PCDHA2: variants seen among roughly 807,000 people sequenced by gnomAD.
PCDHA2 encodes the protein protocadherin alpha-2.
Under a neutral mutation model 66.0 loss-of-function variants are expected in PCDHA2, and 58 were observed. The ratio of observed to expected loss-of-function variants is 0.88; its 90% CI spans 0.71 to 1.09. The LOEUF is 1.09. PCDHA2 is among the 50% of genes least tolerant of loss of function. The probability of loss-of-function intolerance (pLI) is 0.00; values close to 1 mark genes in which losing one functional copy is unlikely to be tolerated. For synonymous variants in PCDHA2, 634 were observed against 554.0 expected (o/e 1.14, Z -2.03); for missense variants, 1,267 against 1,242.3 (o/e 1.02, Z -0.30).
chr5:140,966,740 C>CGGCT (rs2096047340), intron 1 of PCDHA2: 1 of 1,422,580 alleles, frequency 7.0e-7, no homozygotes, highest in African/African-American at 1.5e-5. Flanking sequence ...CGGCCCTGCC[C>CGGCT]GGCTGCCTCC....
At chr5:140,823,777 C>G in intron 1 of PCDHA2, 1 of 1,613,860 alleles carries the variant, frequency 6.2e-7, no homozygotes, top group African/African-American at 1.3e-5. Context: ...GCTGGTGTCG[C>G]TGGTGGAAAG....
chr5:140,819,401 A>G (rs2150104074), intron 1 of PCDHA2, among the ~76,000 whole-genome samples: 3 of 152,296 alleles, frequency 2.0e-5, no homozygotes, highest in South Asian at 4.1e-4. Context: ...AGTGAATTAA[A>G]TGGAGACACT....
intron 1 of PCDHA2, among the ~76,000 whole-genome samples, chr5:140,923,395 G>A (rs782033907): frequency 6.6e-6 from 1 of 152,240 alleles, no homozygotes; most frequent in South Asian, 2.1e-4. Flanking sequence ...GGGCATGGTG[G>A]TGTGTGCCTA....
chr5:140,807,357 C>T (rs949440782), intron 1 of PCDHA2: 3 of 1,610,572 alleles, frequency 1.9e-6, no homozygotes, highest in Non-Finnish European at 2.5e-6. Flanking sequence ...CTGGAGCTGG[C>T]GGAGCTGGTG....
chr5:140,803,538 AT>A, intron 1 of PCDHA2: 1 of 1,614,216 alleles, frequency 6.2e-7, no homozygotes. Flanking sequence ...TCCTTGTCCA[AT>A]TAGCCGGGAT....
At chr5:140,993,468 AC>A (rs2097564676) in intron 3 of PCDHA2, among the ~76,000 whole-genome samples, 1 of 69,412 alleles carries the variant, frequency 1.4e-5, no homozygotes, top group South Asian at 5.5e-4. Context: ...TTTCTCACAC[AC>A]ACACACACAC....
chr5:140,911,729 C>G (rs571299791), intron 1 of PCDHA2, among the ~76,000 whole-genome samples: 1 of 152,134 alleles, frequency 6.6e-6, no homozygotes, highest in Non-Finnish European at 1.5e-5. Flanking sequence ...GTAAACAGTT[C>G]GTGCCAAGGA....
At chr5:140,848,633 C>A in intron 1 of PCDHA2, 1 of 1,593,314 alleles carries the variant, frequency 6.3e-7, no homozygotes, top group Non-Finnish European at 8.6e-7. Flanking sequence ...CCTTCGTGGG[C>A]CGCATCGCGC....
At chr5:140,864,745 T>G (rs528957668) in intron 1 of PCDHA2, 1 of 152,328 alleles carries the variant, frequency 6.6e-6, no homozygotes, top group Non-Finnish European at 1.5e-5. Flanking sequence ...GAGCACCGAT[T>G]ATACTCATTT....
chr5:140,834,552 G>A (rs2150220823), intron 1 of PCDHA2: 3 of 1,614,094 alleles, frequency 1.9e-6, no homozygotes, highest in Non-Finnish European at 8.5e-7. Flanking sequence ...GCTGGAGCTG[G>A]CGGAGCTGGT....
intron 2 of PCDHA2, among the ~76,000 whole-genome samples, chr5:140,979,939 T>A (rs2096870929): frequency 6.6e-6 from 1 of 152,210 alleles, no homozygotes; most frequent in African/African-American, 2.4e-5. Context: ...ATGTGTAGAG[T>A]TAATGTGAAA....
chr5:140,801,383 C>T, intron 1 of PCDHA2: 1 of 1,613,546 alleles, frequency 6.2e-7, no homozygotes, highest in Non-Finnish European at 8.5e-7. Flanking sequence ...TGGTGCCGCG[C>T]CTGTTCCGGG....
intron 1 of PCDHA2, among the ~76,000 whole-genome samples, chr5:140,833,397 T>C (rs1420614000): frequency 6.6e-6 from 1 of 152,172 alleles, no homozygotes; most frequent in East Asian, 1.9e-4. Flanking sequence ...ACCTCAAGAC[T>C]TGATCAAAGG....
Position 140,807,809 on chromosome 5 carries a change from A to G in PCDHA2, c.2388+10457A>G, listed in dbSNP as rs781897114. 2.2e-5 allele frequency: 35 copies of G among 1,613,958 alleles called. No individual in the cohort carries two copies. The African/African-American group carries it at 3.7e-4, about 17-fold the overall frequency. On this transcript the variant is annotated intron_variant, in intron 1 of 3. Transcript: ENST00000526136. ...TTTAGACAGAGAAGAAGCTCCGGAG[A>G]TTTTTTTAGTGCTCACAGCCACTGA... is the stretch of plus-strand genomic sequence containing the variant.
chr5:140,928,900 G>A lies in PCDHA2; in HGVS notation c.2389-50049G>A, dbSNP rs782597882. On this transcript the variant is annotated intron_variant, in intron 1 of 3. Coordinates refer to ENST00000526136, the MANE Select transcript of PCDHA2 (RefSeq NM_018905.3). ...TCAGTTACTTCCAGACTTTGAAGATGTCTGGGAACCAGGAGGGCAGCTTTC... is the reference window on the plus strand; with the variant it reads ...TCAGTTACTTCCAGACTTTGAAGATATCTGGGAACCAGGAGGGCAGCTTTC... The A allele has an allele frequency of 3.1e-6, 5 of 1,614,212 alleles. No homozygotes were observed. The South Asian group carries it at 5.5e-5, about 18-fold the overall frequency.
rs532609088 is a variant in PCDHA2, at chr5:140,890,699, T to A, written c.2389-88250T>A. 2.6e-5 allele frequency among the ~76,000 whole-genome samples: 4 copies of A among 152,312 alleles called. No homozygotes were observed. In the East Asian group the frequency reaches 7.7e-4, roughly 29 times the overall value. On this transcript the variant is annotated intron_variant, in intron 1 of 3. Transcript: ENST00000526136. ...CTCCTTCTGGGAAATGCAGGGACCT[T>A]ACATTTTTAAAATCTTTTTAATCCC... is the stretch of plus-strand genomic sequence containing the variant.
intron 1 of PCDHA2, among the ~76,000 whole-genome samples, chr5:140,898,839 A>C (rs2066999324): frequency 6.6e-6 from 1 of 152,280 alleles, no homozygotes; most frequent in East Asian, 1.9e-4. Flanking sequence ...ATGTTCTTCC[A>C]TTTCTTTGTA....
intron 3 of PCDHA2, among the ~76,000 whole-genome samples, chr5:140,994,758 G>A (rs150618369): frequency 1.3e-5 from 2 of 152,248 alleles, no homozygotes; most frequent in East Asian, 3.9e-4. Flanking sequence ...GATGTGGAGA[G>A]GAAGAGAATT....
chr5:140,797,616 C>G (rs914544149), intron 1 of PCDHA2: 1 of 489,812 alleles, frequency 2.0e-6, no homozygotes, highest in Admixed American at 3.9e-5. Context: ...CTGAAAAACA[C>G]CTCAGCAAAA....
Sources: gnomAD v4.1 joint callset for allele counts (sites outside exome capture counted in the v4.1 genomes callset) on GRCh38, gnomAD v4.1.1 for gene constraint, MANE v1.5 for transcripts, NCBI Gene and HGNC (gene_info 2026-07-23, HGNC 2026-07-21) for gene names.